SLC25A48: variants seen among roughly 807,000 people sequenced by gnomAD.
SLC25A48 encodes CTC-321K16.1.
A neutral mutation model predicts 32.2 loss-of-function variants in SLC25A48; 29 were observed. The ratio of observed to expected loss-of-function variants is 0.90; its 90% CI spans 0.67 to 1.23. The LOEUF is 1.23. Ranked by LOEUF, SLC25A48 falls within the 50% of genes most tolerant of loss-of-function variation. The probability of loss-of-function intolerance (pLI) is 0.00; values close to 1 mark genes in which losing one functional copy is unlikely to be tolerated. For missense variants in SLC25A48, 399 were observed against 422.7 expected, an observed-to-expected ratio of 0.94 and a Z score of 0.49; for synonymous variants, 164 against 172.3, an observed-to-expected ratio of 0.95 and a Z score of 0.38.
chr5:135,745,997 T>C (rs541126576), intron 3 of SLC25A48, among the ~76,000 whole-genome samples: 1 of 152,176 alleles, frequency 6.6e-6, no homozygotes, highest in Admixed American at 6.5e-5. Flanking sequence ...CTGCACAGGT[T>C]AGTCTTGGCC....
At chr5:135,859,736 G>A (rs1275363910) in intron 4 of SLC25A48, among the ~76,000 whole-genome samples, 1 of 152,146 alleles carries the variant, frequency 6.6e-6, no homozygotes, top group African/African-American at 2.4e-5. Context: ...GTTGCTTCTG[G>A]GTGAGGCCAC....
chr5:135,712,841 C>T (rs74845641), intron 3 of SLC25A48, among the ~76,000 whole-genome samples: 3 of 152,172 alleles, frequency 2.0e-5, no homozygotes, highest in Admixed American at 6.5e-5. Flanking sequence ...CTTCAGACTC[C>T]GTTTCCCTCC....
intron 3 of SLC25A48, among the ~76,000 whole-genome samples, chr5:135,724,201 C>A (rs1366039031): frequency 1.3e-5 from 2 of 152,186 alleles, no homozygotes. Flanking sequence ...TTTCCCTGTG[C>A]CAGGCACTCT....
chr5:135,788,475 A>G (rs1756914783), intron 3 of SLC25A48, among the ~76,000 whole-genome samples: 2 of 131,962 alleles, frequency 1.5e-5, no homozygotes, highest in Admixed American at 7.5e-5. Flanking sequence ...GTGGGGGGAG[A>G]GGGTGATATT....
chr5:135,680,516 T>A (rs1753870544), intron 3 of SLC25A48, among the ~76,000 whole-genome samples: 1 of 152,210 alleles, frequency 6.6e-6, no homozygotes, highest in African/African-American at 2.4e-5. Context: ...GGGTAATTTA[T>A]AAAGAAAAAG....
chr5:135,773,441 G>A (rs1561486013), intron 3 of SLC25A48, among the ~76,000 whole-genome samples: 1 of 151,488 alleles, frequency 6.6e-6, no homozygotes, highest in African/African-American at 2.4e-5. Flanking sequence ...CAATAACGCA[G>A]GGGGTGTACA....
chr5:135,728,082 C>T (rs370046408), intron 3 of SLC25A48, among the ~76,000 whole-genome samples: 1 of 151,954 alleles, frequency 6.6e-6, no homozygotes, highest in Non-Finnish European at 1.5e-5. Context: ...CCTGGTGAAA[C>T]CCCATCTCTA....
rs527935981 is a variant in SLC25A48 at position 135,658,840 on chromosome 5, G to A, written c.-521+23884G>A. Among the ~76,000 whole-genome samples the A allele has an allele frequency of 2.0e-5, 3 of 152,186 alleles. No homozygotes were observed. The South Asian group carries it at 6.2e-4, about 32-fold the overall frequency. On this transcript the variant is annotated intron_variant, in intron 3 of 10. Transcript: ENST00000646290. ...CAAGCAACAGTCTGAGTTATACTTG[G>A]CCTCTTTTAGTCATGGCTGGAGCTG...
At chr5:135,632,133 A>G (rs1441849166) in intron 2 of SLC25A48, among the ~76,000 whole-genome samples, 1 of 152,242 alleles carries the variant, frequency 6.6e-6, no homozygotes, top group Non-Finnish European at 1.5e-5. Flanking sequence ...GGCCCGATCC[A>G]TGGTGACATC....
intron 1 of SLC25A48, among the ~76,000 whole-genome samples, chr5:135,588,895 G>A (rs1333673712): frequency 1.3e-5 from 2 of 152,170 alleles, no homozygotes; most frequent in African/African-American, 4.8e-5. Flanking sequence ...GCCTAGGTCT[G>A]TTTGAGGCCA....
intron 1 of SLC25A48, 31 bp from the exon 2 acceptor site, chr5:135,842,385 G>A (rs1308301151): frequency 1.2e-6 from 2 of 1,612,784 alleles, no homozygotes; most frequent in South Asian, 1.1e-5. Context: ...TCCAAGGGCT[G>A]AGTTACTAGG....
intron 3 of SLC25A48, among the ~76,000 whole-genome samples, chr5:135,852,256 CACAGCCTG>C (rs1759931581): frequency 6.6e-6 from 1 of 152,176 alleles, no homozygotes; most frequent in African/African-American, 2.4e-5. Context: ...CCCCCTTGGC[CACAGCCTG>C]ACTTCTTTCC....
chr5:135,746,317 G>A (rs1755639394), intron 3 of SLC25A48: 1 of 158,458 alleles, frequency 6.3e-6, no homozygotes, highest in African/African-American at 2.4e-5. Context: ...TCCCTGACAT[G>A]AAGCACCTTG....
chr5:135,762,592 G>A (rs1239051702), intron 3 of SLC25A48, among the ~76,000 whole-genome samples: 2 of 152,102 alleles, frequency 1.3e-5, no homozygotes, highest in Non-Finnish European at 2.9e-5. Flanking sequence ...TATATAATAT[G>A]TGTCTTGGGT....
chr5:135,706,018 T>G (rs1228857855), intron 3 of SLC25A48, among the ~76,000 whole-genome samples: 1 of 152,224 alleles, frequency 6.6e-6, no homozygotes, highest in East Asian at 1.9e-4. Flanking sequence ...TGAACTGGGC[T>G]GTCTCTTCCC....
intron 3 of SLC25A48, among the ~76,000 whole-genome samples, chr5:135,786,264 T>A (rs945967268): frequency 4.6e-5 from 7 of 152,134 alleles, no homozygotes; most frequent in African/African-American, 1.7e-4. Context: ...TTACTCCCAA[T>A]TCTTAACATG....
chr5:135,731,937 G>T lies in SLC25A48; in HGVS notation c.-520-80586G>T, dbSNP rs139279659. ...TATGAGTAGTTGAGTACGGTGAATA[G>T]GAGTATGACTAGACAGAAGATAGTA... On this transcript the variant is annotated intron_variant, in intron 3 of 10. Transcript: ENST00000646290. 9.8e-3 allele frequency among the ~76,000 whole-genome samples: 1,500 copies of T among 152,332 alleles called. 12 individuals carry two copies. The highest frequency in any genetic ancestry group is 0.034 in the African/African-American group (1,410 of 41,558).
At chr5:135,620,921 C>T (rs746951129) in intron 1 of SLC25A48, among the ~76,000 whole-genome samples, 4 of 152,148 alleles carry the variant, frequency 2.6e-5, no homozygotes, top group African/African-American at 7.2e-5. Flanking sequence ...CCCTTCCCCG[C>T]GTTAGGGAGC....
intron 3 of SLC25A48, among the ~76,000 whole-genome samples, chr5:135,678,818 AT>A (rs894401136): frequency 7.9e-5 from 12 of 152,072 alleles, no homozygotes; most frequent in African/African-American, 2.9e-4. Flanking sequence ...CATGTCTGTG[AT>A]TTCCTCAGTA....
Sources: allele counts gnomAD v4.1 joint callset (sites outside exome capture counted in the v4.1 genomes callset), GRCh38; gene constraint gnomAD v4.1.1; transcripts MANE v1.5; gene names NCBI Gene and HGNC (gene_info 2026-07-23, HGNC 2026-07-21).